Variants in ITGA2 observed in about 807,000 individuals in gnomAD.
The protein encoded by ITGA2 is integrin alpha-2.
ITGA2 carries 101 observed loss-of-function variants against 146.3 expected under a neutral mutation model. The ratio of observed to expected loss-of-function variants is 0.69; its 90% CI spans 0.59 to 0.81. The LOEUF is 0.81. ITGA2 is among the 40% of genes least tolerant of loss of function. The pLI is 0.00. For synonymous variants in ITGA2, 477 were observed against 487.1 expected (o/e 0.98, Z 0.27); for missense variants, 1,281 against 1,402.7 (o/e 0.91, Z 1.39).
chr5:53,003,804 G>GTTTTCT (rs750966696), intron 1 of ITGA2, among the ~76,000 whole-genome samples: 1 of 152,030 alleles, frequency 6.6e-6, no homozygotes, highest in African/African-American at 2.4e-5. Flanking sequence ...ACCATTCATT[G>GTTTTCT]TTTTCTTTTT....
chr5:53,019,944 A>C (rs1160634913), intron 1 of ITGA2, among the ~76,000 whole-genome samples: 1 of 152,156 alleles, frequency 6.6e-6, no homozygotes, highest in East Asian at 1.9e-4. Context: ...GTTGTGTCTA[A>C]TTTTATAAGT....
At chr5:53,048,074 T>G (rs1744177144) in intron 4 of ITGA2, among the ~76,000 whole-genome samples, 1 of 152,126 alleles carries the variant, frequency 6.6e-6, no homozygotes, top group Non-Finnish European at 1.5e-5. Flanking sequence ...AAAGCACCTG[T>G]TTTATCTAGC....
chr5:53,065,698 A>G lies in ITGA2; in HGVS notation c.1807-143A>G, dbSNP rs1745114747. ...GAGATCAGATAATAAGATGTGATTA[A>G]AAAATGAATCTTTAGAATTTGTAGA... is the stretch of plus-strand genomic sequence containing the variant. On this transcript the variant is annotated intron_variant, in intron 14 of 29. Coordinates refer to ENST00000296585, the MANE Select transcript of ITGA2 (RefSeq NM_002203.4). 5 of 1,094,152 alleles carry G rather than the reference A, an allele frequency of 4.6e-6. No homozygotes were observed. In the South Asian group the frequency reaches 7.0e-5, roughly 15 times the overall value. The allele number at this position is 1,094,152 out of a possible 1,614,324, so 67.8% of individuals were successfully genotyped here.
At chr5:53,005,580 C>CAAAAAAAAAAAAAAAAA (rs5867858) in intron 1 of ITGA2, among the ~76,000 whole-genome samples, 1 of 137,312 alleles carries the variant, frequency 7.3e-6, no homozygotes. Context: ...GACTCTGTGT[C>CAAAAAAAAAAAAAAAAA]AAAAAAAAAA....
chr5:53,039,664 C>T (rs12652168), intron 2 of ITGA2, among the ~76,000 whole-genome samples: 46,279 of 141,228 alleles, frequency 0.33, 7,290 homozygotes, highest in Admixed American at 0.42. Flanking sequence ...CGCTTAAACC[C>T]GGGAGGTGGA....
intron 18 of ITGA2, among the ~76,000 whole-genome samples, 189 bp from the exon 19 acceptor site, chr5:53,072,424 T>A (rs1745439754): frequency 1.3e-5 from 2 of 151,934 alleles, no homozygotes; most frequent in African/African-American, 4.8e-5. Flanking sequence ...GCTCCCCCTG[T>A]GCAAATGATT....
intron 1 of ITGA2, among the ~76,000 whole-genome samples, chr5:53,014,029 A>G (rs1436453821): frequency 2.0e-5 from 3 of 152,172 alleles, no homozygotes; most frequent in Non-Finnish European, 1.5e-5. Flanking sequence ...TTCTAGGTAT[A>G]GAATCATATC....
At chr5:53,060,631 T>C (rs1744860656) in intron 11 of ITGA2, among the ~76,000 whole-genome samples, 3 of 151,926 alleles carry the variant, frequency 2.0e-5, no homozygotes, top group Non-Finnish European at 4.4e-5. Flanking sequence ...GAATGCCAGG[T>C]TCACAGGTGG....
intron 1 of ITGA2, among the ~76,000 whole-genome samples, chr5:53,010,360 C>G (rs1027050073): frequency 2.0e-5 from 3 of 152,136 alleles, no homozygotes; most frequent in Admixed American, 6.6e-5. Flanking sequence ...TATTCTCAGG[C>G]CTTGAAATCT....
Position 53,090,710 on chromosome 5 carries a change from A to C in ITGA2, c.*111A>C. ...TATTTTTTTTATCATGTCGTAGGTA[A>C]ACTAACCTGGTATTTTAAGAGAAAA... is the stretch of plus-strand genomic sequence containing the variant. On this transcript the variant is annotated 3_prime_UTR_variant, in exon 30 of 30. Transcript: ENST00000296585. The C allele has an allele frequency of 1.2e-6, 1 of 845,508 alleles. No individual in the cohort carries two copies. Among genetic ancestry groups the C allele is most frequent in the Non-Finnish European group, 2.0e-6 (1 of 508,594 alleles). 52.4% of individuals were successfully genotyped at this position (845,508 alleles called of 1,614,324 possible). A position where few individuals can be genotyped will look rare whatever the true frequency, so the allele number is the denominator to read the frequency against.
intron 4 of ITGA2, among the ~76,000 whole-genome samples, chr5:53,047,329 A>G (rs751029567): frequency 3.3e-5 from 5 of 152,182 alleles, no homozygotes; most frequent in Non-Finnish European, 7.3e-5. Context: ...TCATGTATCA[A>G]TTTTAAAGTT....
At chr5:52,998,735 A>G (rs1741412736) in intron 1 of ITGA2, among the ~76,000 whole-genome samples, 1 of 152,148 alleles carries the variant, frequency 6.6e-6, no homozygotes, top group African/African-American at 2.4e-5. Context: ...ACTGACTGCA[A>G]GCTGAGAAGA....
chr5:53,041,101 T>C (rs1403640396), intron 2 of ITGA2, among the ~76,000 whole-genome samples: 1 of 140,900 alleles, frequency 7.1e-6, no homozygotes, highest in Non-Finnish European at 1.6e-5. Flanking sequence ...CTTTGATATT[T>C]TAACCCTTCC....
Position 53,091,891 on chromosome 5 carries a change from G to A in ITGA2, c.*1292G>A, listed in dbSNP as rs1268418850. 2.6e-5 allele frequency: 4 copies of A among 152,182 alleles called. No individual in the cohort carries two copies. The highest frequency in any genetic ancestry group is 2.0e-4 in the Admixed American group (3 of 15,282). 9.4% of individuals were successfully genotyped at this position (152,182 alleles called of 1,614,324 possible). On this transcript the variant is annotated 3_prime_UTR_variant, in exon 30 of 30. Transcript: ENST00000296585. ...CACCAGAAGTTACAGATGAGGCACT[G>A]GAAGCCACCAAATTAGCAGGTGCAC...
At position 52,989,629 on chromosome 5, in the gene ITGA2, C is replaced by T. The variant is rs1740819251; in HGVS notation, c.64+97C>T. On this transcript the variant is annotated intron_variant, in intron 1 of 29. Transcript: ENST00000296585. The stretch of plus-strand genomic sequence containing the variant: ...TTGGGCGGAACTAGGGAGCGAGCTC[C>T]GTGTGTTCCCTCGGATTCCACGTGG... The T allele has an allele frequency of 3.0e-6, 4 of 1,342,340 alleles. No homozygotes were observed. The East Asian group carries it at 6.9e-5, about 23-fold the overall frequency. The allele number at this position is 1,342,340 out of a possible 1,614,324, so 83.2% of individuals were successfully genotyped here.
chr5:53,017,443 G>A (rs1742444678), intron 1 of ITGA2, among the ~76,000 whole-genome samples: 2 of 152,230 alleles, frequency 1.3e-5, no homozygotes, highest in African/African-American at 4.8e-5. Flanking sequence ...TCAAGGTTAG[G>A]CATCTGCTGC....
chr5:53,035,987 T>C (rs1018114608), intron 2 of ITGA2, among the ~76,000 whole-genome samples: 1 of 152,152 alleles, frequency 6.6e-6, no homozygotes, highest in African/African-American at 2.4e-5. Context: ...AATCTGATGG[T>C]AGTGACTAGT....
At chr5:53,044,345 G>A (rs376003242) in intron 3 of ITGA2, among the ~76,000 whole-genome samples, 67 of 136,556 alleles carry the variant, frequency 4.9e-4, no homozygotes, top group African/African-American at 1.8e-3. Flanking sequence ...TGGGAAATAA[G>A]GGAAGGAATC....
chr5:53,046,728 A>G (rs1235920780), intron 4 of ITGA2, among the ~76,000 whole-genome samples: 2 of 151,994 alleles, frequency 1.3e-5, no homozygotes, highest in Non-Finnish European at 2.9e-5. Flanking sequence ...GAAAAAACCC[A>G]AAGTTTCCTT....
Sources: allele counts gnomAD v4.1 joint callset (sites outside exome capture counted in the v4.1 genomes callset), GRCh38; gene constraint gnomAD v4.1.1; transcripts MANE v1.5; gene names NCBI Gene and HGNC (gene_info 2026-07-23, HGNC 2026-07-21).